The following FSTL4 variants were observed in gnomAD, a reference collection of about 807,000 sequenced individuals.
FSTL4 encodes follistatin-related protein 4.
Under a neutral mutation model 78.2 loss-of-function variants are expected in FSTL4, and 28 were observed. The observed-to-expected ratio is 0.36, with a 90% CI of 0.27 to 0.49. The LOEUF (loss-of-function observed/expected upper bound fraction) is 0.49, where lower values mean the gene tolerates loss of function less well. Among genes scored for constraint, FSTL4 ranks in the 20% least tolerant of loss-of-function variants. The pLI, the probability that FSTL4 is intolerant of heterozygous loss-of-function variation, is 0.98. For synonymous variants in FSTL4, 422 were observed against 440.5 expected (o/e 0.96, Z 0.53); for missense variants, 922 against 1,084.9 (o/e 0.85, Z 2.11).
the FSTL4 span, among the ~76,000 whole-genome samples, chr5:133,665,909 C>T: frequency 6.6e-6 from 1 of 152,218 alleles, no homozygotes; most frequent in East Asian, 1.9e-4. Context: ...CTGTTTGAAG[C>T]CTGCAAGCTG....
At chr5:133,241,452 G>C (rs972184715) in intron 7 of FSTL4, among the ~76,000 whole-genome samples, 4 of 152,226 alleles carry the variant, frequency 2.6e-5, no homozygotes, top group African/African-American at 9.6e-5. Context: ...GGTATACACA[G>C]AGGCCCAGGC....
chr5:133,255,534 G>A (rs938559910), intron 6 of FSTL4, among the ~76,000 whole-genome samples: 5 of 152,228 alleles, frequency 3.3e-5, no homozygotes, highest in African/African-American at 7.2e-5. Flanking sequence ...GCTAGGCTGC[G>A]TGTCCCACAG....
chr5:133,717,130 G>A, the FSTL4 span, among the ~76,000 whole-genome samples: 8 of 152,202 alleles, frequency 5.3e-5, no homozygotes, highest in South Asian at 1.7e-3. Flanking sequence ...CTAGTTAAAC[G>A]TTAGAAGCAA....
chr5:133,557,420 C>T (rs1759812840), intron 3 of FSTL4, among the ~76,000 whole-genome samples: 1 of 152,220 alleles, frequency 6.6e-6, no homozygotes, highest in South Asian at 2.1e-4. Context: ...CTTTTACCTT[C>T]CTGCTTCTGT....
chr5:133,219,406 T>C (rs1377224433), intron 12 of FSTL4, among the ~76,000 whole-genome samples: 1 of 152,224 alleles, frequency 6.6e-6, no homozygotes, highest in East Asian at 1.9e-4. Flanking sequence ...CTAGGTAACT[T>C]TTCTAAAGCT....
At chr5:133,625,241 T>C in the FSTL4 span, among the ~76,000 whole-genome samples, 1 of 151,800 alleles carries the variant, frequency 6.6e-6, no homozygotes, top group Non-Finnish European at 1.5e-5. Flanking sequence ...AGTGAAACCA[T>C]CTGAGCTGAA....
chr5:133,627,853 A>G, the FSTL4 span, among the ~76,000 whole-genome samples: 1 of 151,570 alleles, frequency 6.6e-6, no homozygotes, highest in Non-Finnish European at 1.5e-5. Context: ...ATATATTTAT[A>G]TATAATATTT....
intron 4 of FSTL4, among the ~76,000 whole-genome samples, chr5:133,351,778 T>A (rs1394520602): frequency 1.3e-5 from 2 of 152,100 alleles, no homozygotes; most frequent in African/African-American, 2.4e-5. Flanking sequence ...CAGCTAGTTT[T>A]TTTATTTTTA....
At chr5:133,378,668 C>G (rs1755498956) in intron 4 of FSTL4, among the ~76,000 whole-genome samples, 2 of 151,960 alleles carry the variant, frequency 1.3e-5, no homozygotes, top group African/African-American at 4.8e-5. Context: ...ATTTCTATAT[C>G]TCACAGAAAT....
At chr5:133,394,673 C>T (rs550591456) in intron 4 of FSTL4, among the ~76,000 whole-genome samples, 16 of 152,330 alleles carry the variant, frequency 1.1e-4, no homozygotes, top group East Asian at 5.8e-4. Context: ...GCCTCCCCAA[C>T]GAGCGCCGCC....
At chr5:133,793,713 C>A in the FSTL4 span, among the ~76,000 whole-genome samples, 1 of 152,174 alleles carries the variant, frequency 6.6e-6, no homozygotes, top group Non-Finnish European at 1.5e-5. Flanking sequence ...TCTCACATCT[C>A]GCGGCAACCC....
chr5:133,420,943 T>A (rs528237445), intron 3 of FSTL4, among the ~76,000 whole-genome samples: 53 of 152,356 alleles, frequency 3.5e-4, no homozygotes, highest in Non-Finnish European at 7.1e-4. Context: ...CCTCGGCTCA[T>A]GTGTGGCCCT....
At chr5:133,469,507 T>C (rs1757776276) in intron 3 of FSTL4, among the ~76,000 whole-genome samples, 1 of 152,158 alleles carries the variant, frequency 6.6e-6, no homozygotes, top group Non-Finnish European at 1.5e-5. Flanking sequence ...GCAGATAGTG[T>C]TGGACCTGGC....
intron 2 of FSTL4, among the ~76,000 whole-genome samples, chr5:133,569,837 T>TAGACCAA (rs1345376881): frequency 6.6e-5 from 10 of 152,202 alleles, no homozygotes; most frequent in Admixed American, 2.6e-4. Flanking sequence ...TAAATATGTT[T>TAGACCAA]TACATTTATT....
the FSTL4 span, among the ~76,000 whole-genome samples, chr5:133,633,256 CCAGAACTCTAATAATAACATAGGTCCCA>C: frequency 6.6e-6 from 1 of 152,126 alleles, no homozygotes; most frequent in East Asian, 1.9e-4. Context: ...TCCCTTCCTT[CCAGAACTCTAATAATAACATAGGTCCCA>C]CAGGTTCCTG....
Position 133,553,160 on chromosome 5 carries a change from T to C in FSTL4, c.160+14026A>G, listed in dbSNP as rs1274227964. On this transcript the variant is annotated intron_variant, in intron 3 of 15. Coordinates refer to ENST00000265342, the MANE Select transcript of FSTL4 (RefSeq NM_015082.2). ...GTCCCGCGGTACCCGGAACCCACAG[T>C]CTGTATCAAGAGGGAGGAAGCCTAG... Among the ~76,000 whole-genome samples the C allele has an allele frequency of 2.0e-5, 3 of 152,036 alleles. No individual in the cohort carries two copies. In the East Asian group the frequency reaches 5.8e-4, roughly 29 times the overall value.
At chr5:133,218,781 C>T (rs908831480) in intron 12 of FSTL4, among the ~76,000 whole-genome samples, 1 of 152,178 alleles carries the variant, frequency 6.6e-6, no homozygotes, top group African/African-American at 2.4e-5. Context: ...TCTCCTTGTA[C>T]CCTTACTCTC....
intron 3 of FSTL4, among the ~76,000 whole-genome samples, chr5:133,523,716 ACTC>A (rs1759031769): frequency 6.6e-6 from 1 of 152,056 alleles, no homozygotes; most frequent in African/African-American, 2.4e-5. Context: ...AACAGCAACT[ACTC>A]CTATCATTGT....
chr5:133,216,643 A>C (rs1750917495), intron 13 of FSTL4, among the ~76,000 whole-genome samples: 1 of 152,208 alleles, frequency 6.6e-6, no homozygotes, highest in Non-Finnish European at 1.5e-5. Context: ...GAGCCACCAC[A>C]CCCAGCCCGT....
Sources: gnomAD v4.1 joint callset for allele counts (sites outside exome capture counted in the v4.1 genomes callset) on GRCh38, gnomAD v4.1.1 for gene constraint, MANE v1.5 for transcripts, NCBI Gene and HGNC (gene_info 2026-07-23, HGNC 2026-07-21) for gene names.